Variants in MAGI3 observed in about 807,000 individuals in gnomAD.
MAGI3 encodes the protein membrane-associated guanylate kinase, WW and PDZ domain-containing protein 3.
Under a neutral mutation model 121.8 loss-of-function variants are expected in MAGI3, and 43 were observed. The ratio of observed to expected loss-of-function variants is 0.35; its 90% CI spans 0.28 to 0.46. The LOEUF is 0.46. MAGI3 is among the 20% of genes least tolerant of loss of function. MAGI3 has a pLI of 1.00. For missense variants in MAGI3, 1,547 were observed against 1,797.3 expected, an observed-to-expected ratio of 0.86 and a Z score of 2.52; for synonymous variants, 553 against 639.3, an observed-to-expected ratio of 0.86 and a Z score of 2.04.
chr1:113,497,023 A>G (rs28661018), intron 1 of MAGI3, among the ~76,000 whole-genome samples: 36,700 of 152,044 alleles, frequency 0.24, 5,095 homozygotes, highest in East Asian at 0.63. Flanking sequence ...TTTGGGAGGC[A>G]AAGGCAGGCA....
chr1:113,547,385 TAA>T (rs1659585559), intron 1 of MAGI3, among the ~76,000 whole-genome samples: 1 of 152,174 alleles, frequency 6.6e-6, no homozygotes, highest in South Asian at 2.1e-4. Context: ...TTATCCAAAT[TAA>T]GTCTTTTTCT....
intron 18 of MAGI3, 78 bp from the exon 19 acceptor site, chr1:113,673,244 C>CTA (rs1404038373): frequency 6.8e-7 from 1 of 1,466,268 alleles, no homozygotes; most frequent in Non-Finnish European, 9.3e-7. Flanking sequence ...TTTCTTCCAG[C>CTA]TATAGAAGTA....
intron 2 of MAGI3, among the ~76,000 whole-genome samples, chr1:113,565,097 G>A (rs1323021808): frequency 1.3e-5 from 2 of 151,864 alleles, no homozygotes; most frequent in Non-Finnish European, 2.9e-5. Context: ...TGATCCGCCC[G>A]CCTCAGCCTC....
At chr1:113,521,305 T>C (rs1658182950) in intron 1 of MAGI3, among the ~76,000 whole-genome samples, 1 of 151,552 alleles carries the variant, frequency 6.6e-6, no homozygotes, top group Non-Finnish European at 1.5e-5. Flanking sequence ...AGGCTGGTCT[T>C]GAACTTCTGA....
chr1:113,660,728 C>G (rs902155355), intron 16 of MAGI3, among the ~76,000 whole-genome samples: 2 of 150,702 alleles, frequency 1.3e-5, no homozygotes, highest in Non-Finnish European at 2.9e-5. Context: ...GATCCTCTGA[C>G]CTCAGCGTCC....
At chr1:113,562,796 A>C (rs539932887) in intron 2 of MAGI3, among the ~76,000 whole-genome samples, 2 of 152,212 alleles carry the variant, frequency 1.3e-5, no homozygotes, top group African/African-American at 4.8e-5. Context: ...GCACACGTTT[A>C]TGTAACAAAC....
chr1:113,555,847 G>A (rs1659968145), intron 2 of MAGI3, among the ~76,000 whole-genome samples: 1 of 151,968 alleles, frequency 6.6e-6, no homozygotes, highest in Non-Finnish European at 1.5e-5. Context: ...AGGCTATAGT[G>A]AGCTATAATC....
chr1:113,427,049 C>T (rs1201050124), intron 1 of MAGI3, among the ~76,000 whole-genome samples: 20 of 151,796 alleles, frequency 1.3e-4, no homozygotes, highest in African/African-American at 3.4e-4. Context: ...AGACAGTCAC[C>T]CTGTTTAGGT....
intron 9 of MAGI3, among the ~76,000 whole-genome samples, chr1:113,639,542 C>T (rs1480873403): frequency 6.6e-6 from 1 of 151,874 alleles, no homozygotes; most frequent in Non-Finnish European, 1.5e-5. Flanking sequence ...CCTGGGATTA[C>T]AGGCGCACGC....
intron 15 of MAGI3, among the ~76,000 whole-genome samples, chr1:113,655,779 G>GTT (rs1653433233): frequency 6.6e-6 from 1 of 152,110 alleles, no homozygotes; most frequent in South Asian, 2.1e-4. Context: ...ACAAAATGAG[G>GTT]ATGATAGAGA....
chr1:113,592,781 G>A (rs1389355528), intron 5 of MAGI3, among the ~76,000 whole-genome samples: 1 of 152,140 alleles, frequency 6.6e-6, no homozygotes, highest in Non-Finnish European at 1.5e-5. Context: ...GGGAGGCCGA[G>A]GCAGGCGGAT....
At chr1:113,600,414 C>T (rs1427695893) in intron 6 of MAGI3, among the ~76,000 whole-genome samples, 1 of 150,914 alleles carries the variant, frequency 6.6e-6, no homozygotes, top group Non-Finnish European at 1.5e-5. Flanking sequence ...CACAAGCATT[C>T]TTATACACCA....
chr1:113,569,869 A>G lies in MAGI3; in HGVS notation c.434-10673A>G, dbSNP rs76310964. Among the ~76,000 whole-genome samples the G allele has an allele frequency of 5.7e-3, 871 of 152,224 alleles. 8 individuals are homozygous for G. Among genetic ancestry groups the G allele is most frequent in the African/African-American group, 0.02 (831 of 41,536 alleles). ...TTCAGAATATAAAGAATTATAAATC[A>G]ATTTTATTTTATTTTTTATTATACT... On this transcript the variant is annotated intron_variant, in intron 2 of 20. Coordinates refer to ENST00000307546, the MANE Select transcript of MAGI3 (RefSeq NM_001142782.2).
chr1:113,680,511 A>T (rs1026054320), intron 19 of MAGI3, among the ~76,000 whole-genome samples: 1 of 151,932 alleles, frequency 6.6e-6, no homozygotes, highest in Non-Finnish European at 1.5e-5. Flanking sequence ...TAATCCCAGC[A>T]CTTTAGGAGG....
Position 113,642,173 on chromosome 1 carries a change from T to A in MAGI3, c.1623T>A (p.Asn541Lys). The A allele has an allele frequency of 6.2e-7, 1 of 1,614,148 alleles. No individual in the cohort carries two copies. The highest frequency in any genetic ancestry group is 2.2e-5 in the East Asian group (1 of 44,870). The change falls in exon 10 of 21, where the codon AAT becomes AAA. Residue 541 changes from asparagine (N) to lysine (K), a missense_variant. By Grantham distance (94) the Asn-to-Lys change is moderately conservative (BLOSUM62 0). Coordinates refer to ENST00000307546, the MANE Select transcript of MAGI3 (RefSeq NM_001142782.2). ...FKPGAMVLEQ[N>K]GKSGHTLTGD... ...CAGGAGCAATGGTTCTGGAGCAGAA[T>A]GGAAAATCGGGACACACTTTGACTG...
At chr1:113,508,823 T>G (rs994334680) in intron 1 of MAGI3, among the ~76,000 whole-genome samples, 10 of 152,136 alleles carry the variant, frequency 6.6e-5, no homozygotes, top group African/African-American at 1.9e-4. Context: ...AGAAATTGAT[T>G]GATTTTTTTA....
chr1:113,424,174 AGT>A, intron 1 of MAGI3, among the ~76,000 whole-genome samples: 1 of 151,994 alleles, frequency 6.6e-6, no homozygotes, highest in Non-Finnish European at 1.5e-5. Flanking sequence ...AGCTCCAAGG[AGT>A]GTGCAGCTCC....
intron 2 of MAGI3, among the ~76,000 whole-genome samples, chr1:113,566,772 T>C (rs1384598575): frequency 6.6e-6 from 1 of 151,886 alleles, no homozygotes; most frequent in Non-Finnish European, 1.5e-5. Context: ...ATACTAAAAC[T>C]TATGGAATAT....
Position 113,641,170 on chromosome 1 carries a change from C to A in MAGI3, c.1361-741C>A, listed in dbSNP as rs374797362. 1.1e-4 allele frequency among the ~76,000 whole-genome samples: 15 copies of A among 135,358 alleles called. 1 individual carries two copies. The highest frequency in any genetic ancestry group is 7.9e-4 in the Admixed American group (10 of 12,588). 88.8% of individuals were successfully genotyped at this position (135,358 alleles called of 152,430 possible). On this transcript the variant is annotated intron_variant, in intron 9 of 20. Coordinates refer to ENST00000307546, the MANE Select transcript of MAGI3 (RefSeq NM_001142782.2). ...AAATATATATGAGATATATATAAATCTATATATATATCAGGGGTGGAGGAG... is the reference window on the plus strand; with the variant it reads ...AAATATATATGAGATATATATAAATATATATATATATCAGGGGTGGAGGAG...
Sources: gnomAD v4.1 joint callset for allele counts (sites outside exome capture counted in the v4.1 genomes callset) on GRCh38, gnomAD v4.1.1 for gene constraint, MANE v1.5 for transcripts, NCBI Gene and HGNC (gene_info 2026-07-23, HGNC 2026-07-21) for gene names.